TMEM117: variants seen among roughly 807,000 people sequenced by gnomAD.
The protein encoded by TMEM117 is transmembrane protein 117.
TMEM117 carries 27 observed loss-of-function variants against 52.4 expected under a neutral mutation model. That is an observed-to-expected ratio of 0.51 (90% CI 0.38 to 0.71). The LOEUF is 0.71. Among genes scored for constraint, TMEM117 ranks in the 30% least tolerant of loss-of-function variants. The probability of loss-of-function intolerance (pLI) is 0.00; values close to 1 mark genes in which losing one functional copy is unlikely to be tolerated. For synonymous variants in TMEM117, 215 were observed against 206.3 expected, an observed-to-expected ratio of 1.04 and a Z score of -0.36; for missense variants, 556 against 630.5, an observed-to-expected ratio of 0.88 and a Z score of 1.26.
chr12:43,964,275 C>T (rs11182351), intron 3 of TMEM117, among the ~76,000 whole-genome samples: 1,764 of 152,164 alleles, frequency 0.012, 41 homozygotes, highest in East Asian at 0.069. Flanking sequence ...TATTTGGCTC[C>T]ACCCAAGCAC....
chr12:44,363,883 A>G (rs1951755943), intron 6 of TMEM117, among the ~76,000 whole-genome samples: 1 of 152,168 alleles, frequency 6.6e-6, no homozygotes, highest in Non-Finnish European at 1.5e-5. Flanking sequence ...GTTGGGAATT[A>G]GGGGCAGAGA....
At chr12:44,182,352 C>T (rs1448675924) in intron 4 of TMEM117, among the ~76,000 whole-genome samples, 1 of 152,124 alleles carries the variant, frequency 6.6e-6, no homozygotes, top group Admixed American at 6.5e-5. Context: ...TTATTTCCTT[C>T]TCCTGCCTAA....
At chr12:43,990,149 A>G (rs976284170) in intron 3 of TMEM117, among the ~76,000 whole-genome samples, 2 of 152,174 alleles carry the variant, frequency 1.3e-5, no homozygotes, top group South Asian at 2.1e-4. Context: ...TAGTTCTTGA[A>G]GTAGAGGATA....
intron 2 of TMEM117, among the ~76,000 whole-genome samples, chr12:43,940,633 C>T (rs1412442020): frequency 6.6e-6 from 1 of 151,996 alleles, no homozygotes; most frequent in Non-Finnish European, 1.5e-5. Context: ...CCTCCAACTC[C>T]CGGGTTCAAG....
upstream of TMEM117, among the ~76,000 whole-genome samples, chr12:43,835,282 G>T (rs1202529766): frequency 6.6e-6 from 1 of 152,124 alleles, no homozygotes; most frequent in Non-Finnish European, 1.5e-5. Context: ...TGCCGCAGAG[G>T]TATCATTTAG....
At chr12:44,130,471 T>G (rs1047054375) in intron 3 of TMEM117, among the ~76,000 whole-genome samples, 1 of 152,210 alleles carries the variant, frequency 6.6e-6, no homozygotes, top group Non-Finnish European at 1.5e-5. Context: ...CACCATAGCT[T>G]AGTTTTGGCT....
intron 3 of TMEM117, among the ~76,000 whole-genome samples, chr12:43,999,068 T>C (rs1237539392): frequency 6.6e-6 from 1 of 152,196 alleles, no homozygotes; most frequent in Admixed American, 6.5e-5. Flanking sequence ...GAAACCCTCA[T>C]ACACTGCTAT....
At chr12:43,832,797 T>A (rs528204859), upstream of TMEM117, among the ~76,000 whole-genome samples, 8 of 152,324 alleles carry the variant, frequency 5.3e-5, no homozygotes, top group African/African-American at 1.4e-4. Context: ...AACTACTCAA[T>A]CTCAGTATGC....
At chr12:44,077,755 A>ATT (rs1324025339) in intron 3 of TMEM117, among the ~76,000 whole-genome samples, 14 of 152,214 alleles carry the variant, frequency 9.2e-5, no homozygotes, top group East Asian at 5.8e-4. Context: ...AAGATGCAAA[A>ATT]TGTTACTGCT....
chr12:43,825,105 T>G, the TMEM117 span, among the ~76,000 whole-genome samples: 1 of 152,018 alleles, frequency 6.6e-6, no homozygotes, highest in Non-Finnish European at 1.5e-5. Flanking sequence ...TCTTTTGGTT[T>G]TCATGAGAAG....
chr12:43,886,340 G>T (rs1435997544), intron 2 of TMEM117, among the ~76,000 whole-genome samples: 1 of 151,636 alleles, frequency 6.6e-6, no homozygotes, highest in African/African-American at 2.4e-5. Context: ...ATCAAGACAA[G>T]AGAGTATTTC....
intron 2 of TMEM117, among the ~76,000 whole-genome samples, chr12:43,890,374 G>GT (rs1944080198): frequency 6.6e-6 from 1 of 152,128 alleles, no homozygotes; most frequent in Non-Finnish European, 1.5e-5. Flanking sequence ...CCCATGCAGT[G>GT]TAAAAGTACC....
At chr12:43,971,486 C>G (rs1945585847) in intron 3 of TMEM117, among the ~76,000 whole-genome samples, 1 of 152,190 alleles carries the variant, frequency 6.6e-6, no homozygotes, top group Non-Finnish European at 1.5e-5. Flanking sequence ...AGAGGACTTT[C>G]TTTTTCAAAC....
At chr12:44,124,355 C>CA (rs1948287608) in intron 3 of TMEM117, among the ~76,000 whole-genome samples, 1 of 152,178 alleles carries the variant, frequency 6.6e-6, no homozygotes, top group African/African-American at 2.4e-5. Context: ...CAAGCAAAGA[C>CA]AATTTGACTT....
At chr12:44,171,549 A>G (rs1355518662) in intron 4 of TMEM117, among the ~76,000 whole-genome samples, 1 of 152,126 alleles carries the variant, frequency 6.6e-6, no homozygotes, top group African/African-American at 2.4e-5. Flanking sequence ...TTCTTAGAAC[A>G]TATTTTTGAA....
intron 5 of TMEM117, among the ~76,000 whole-genome samples, chr12:44,288,188 C>A (rs758602750): frequency 2.8e-4 from 43 of 152,296 alleles, no homozygotes; most frequent in East Asian, 5.8e-4. Flanking sequence ...GCAGTTATAT[C>A]TACATAAGAC....
At chr12:44,184,438 A>G (rs1321269238) in intron 4 of TMEM117, among the ~76,000 whole-genome samples, 1 of 152,178 alleles carries the variant, frequency 6.6e-6, no homozygotes, top group Non-Finnish European at 1.5e-5. Flanking sequence ...CAGCAGAAAA[A>G]GGCAGAAGAG....
chr12:44,039,335 A>G (rs1341907301), intron 3 of TMEM117, among the ~76,000 whole-genome samples: 1 of 150,776 alleles, frequency 6.6e-6, no homozygotes, highest in East Asian at 1.9e-4. Flanking sequence ...ATTAATCACT[A>G]TACCCTTATA....
chr12:44,115,392 G>A (rs956249844), intron 3 of TMEM117, among the ~76,000 whole-genome samples: 1 of 152,082 alleles, frequency 6.6e-6, no homozygotes, highest in Admixed American at 6.6e-5. Context: ...CACAAACATG[G>A]CACATGTATA....
Sources: gnomAD v4.1 joint callset for allele counts (sites outside exome capture counted in the v4.1 genomes callset) on GRCh38, gnomAD v4.1.1 for gene constraint, MANE v1.5 for transcripts, NCBI Gene and HGNC (gene_info 2026-07-23, HGNC 2026-07-21) for gene names.